The following PITPNC1 variants were observed in gnomAD, a reference collection of about 807,000 sequenced individuals.
PITPNC1 encodes phosphatidylinositol transfer protein cytoplasmic 1.
Under a neutral mutation model 44.7 loss-of-function variants are expected in PITPNC1, and 18 were observed. The ratio of observed to expected loss-of-function variants is 0.40; its 90% CI spans 0.28 to 0.60. The LOEUF (loss-of-function observed/expected upper bound fraction) is 0.60. Among genes scored for constraint, PITPNC1 ranks in the 20% least tolerant of loss-of-function variants. The pLI is 0.39. For synonymous variants in PITPNC1, 141 were observed against 149.6 expected, an observed-to-expected ratio of 0.94 and a Z score of 0.42; for missense variants, 290 against 418.4, an observed-to-expected ratio of 0.69 and a Z score of 2.68.
chr17:67,651,448 G>T (rs746569257), intron 6 of PITPNC1, among the ~76,000 whole-genome samples: 4 of 152,050 alleles, frequency 2.6e-5, no homozygotes, highest in Non-Finnish European at 4.4e-5. Context: ...GGGACGTGGT[G>T]GTTGCAGTGA....
At chr17:67,433,800 G>A (rs146164863) in intron 1 of PITPNC1, among the ~76,000 whole-genome samples, 3,535 of 152,184 alleles carry the variant, frequency 0.023, 79 homozygotes, top group South Asian at 0.11. Flanking sequence ...GGCTGACGCA[G>A]GAGGATCACT....
chr17:67,667,747 A>C (rs1039351413), intron 6 of PITPNC1, among the ~76,000 whole-genome samples: 1 of 151,888 alleles, frequency 6.6e-6, no homozygotes, highest in South Asian at 2.1e-4. Flanking sequence ...TGGGAGGCCA[A>C]GGTGGGTGGA....
At chr17:67,459,348 C>A (rs1598692633) in intron 1 of PITPNC1, among the ~76,000 whole-genome samples, 1 of 152,128 alleles carries the variant, frequency 6.6e-6, no homozygotes, top group Non-Finnish European at 1.5e-5. Context: ...AACTCCTGAC[C>A]TCAGGTGATC....
intron 5 of PITPNC1, among the ~76,000 whole-genome samples, chr17:67,605,423 G>T (rs966452114): frequency 6.6e-6 from 1 of 152,216 alleles, no homozygotes; most frequent in Admixed American, 6.5e-5. Context: ...CCGCTGTCCA[G>T]CCTGGGAACA....
At chr17:67,471,465 A>AT (rs749146199) in intron 1 of PITPNC1, 12 of 356,708 alleles carry the variant, frequency 3.4e-5, no homozygotes, top group African/African-American at 1.2e-4. Flanking sequence ...CATTTGAGAG[A>AT]TTTTTTTCCT....
intron 6 of PITPNC1, among the ~76,000 whole-genome samples, chr17:67,647,463 G>GTTTTTTTTTTTTTTT (rs1567757487): frequency 1.3e-4 from 12 of 90,612 alleles, no homozygotes; most frequent in African/African-American, 5.0e-4. Flanking sequence ...GCTAATTTTG[G>GTTTTTTTTTTTTTTT]GTTTTTTTTT....
At position 67,695,601 on chromosome 17, in the gene PITPNC1, C is replaced by A. The variant is rs1428291278; in HGVS notation, c.*2713C>A. The A allele has an allele frequency of 1.2e-5, 1 of 81,436 alleles. No homozygotes were observed. The highest frequency in any genetic ancestry group is 5.1e-5 in the African/African-American group (1 of 19,720). The allele number at this position is 81,436 out of a possible 1,614,324, so 5.0% of individuals were successfully genotyped here. A position where few individuals can be genotyped will look rare whatever the true frequency, so the allele number is the denominator to read the frequency against. ...CTTTGTTCACCAAAATTGTATTATA[C>A]CTGTGTATATATATATATATATATA... On this transcript the variant is annotated 3_prime_UTR_variant, in exon 9 of 9. Transcript: ENST00000581322.
At chr17:67,411,158 C>T (rs541782242) in intron 1 of PITPNC1, among the ~76,000 whole-genome samples, 1 of 151,644 alleles carries the variant, frequency 6.6e-6, no homozygotes, top group African/African-American at 2.4e-5. Context: ...TTTCTTGGTA[C>T]CCACCTATTA....
At position 67,532,846 on chromosome 17, in the gene PITPNC1, A is replaced by G. The variant is rs1351959352; in HGVS notation, c.93A>G (p.Glu31=). Residue 31 remains glutamate (E), a synonymous_variant, in exon 2 of 9, where the codon GAA becomes GAG. Transcript: ENST00000581322. ...ACATGATCAGCAAACACAGCCATGA[A>G]CAGAGTGACCGGGGAGAAGGGGTGG... The part of the protein sequence containing the change: ...QLYMISKHSH[E]QSDRGEGVEV... 1 of 1,588,304 alleles carries G rather than the reference A, an allele frequency of 6.3e-7. No individual in the cohort carries two copies. Among genetic ancestry groups the G allele is most frequent in the Non-Finnish European group, 8.6e-7 (1 of 1,167,604 alleles).
chr17:67,617,947 A>T lies in PITPNC1; in HGVS notation c.367-14196A>T, dbSNP rs544284853. On this transcript the variant is annotated intron_variant, in intron 5 of 8. Coordinates refer to ENST00000581322, the MANE Select transcript of PITPNC1 (RefSeq NM_012417.4). The stretch of plus-strand genomic sequence containing the variant: ...TCACATTCTGAGGTTCCTGGGAGAC[A>T]TGAGATTCGGGGGGACACTCTTCAA... Among the ~76,000 whole-genome samples, 67 of 152,276 alleles carry T rather than the reference A, an allele frequency of 4.4e-4. 1 individual carries two copies. In the South Asian group the frequency reaches 0.013, roughly 29 times the overall value.
chr17:67,441,983 A>G (rs1807945568), intron 1 of PITPNC1, among the ~76,000 whole-genome samples: 1 of 151,956 alleles, frequency 6.6e-6, no homozygotes. Context: ...TTAGTTGAGT[A>G]GAATAAACTC....
intron 5 of PITPNC1, among the ~76,000 whole-genome samples, chr17:67,587,332 A>AT (rs1362091806): frequency 5.9e-5 from 9 of 152,042 alleles, no homozygotes; most frequent in Admixed American, 2.6e-4. Flanking sequence ...TACAAAAAAA[A>AT]AAAAAAATTT....
intron 2 of PITPNC1, among the ~76,000 whole-genome samples, chr17:67,535,214 G>C (rs1304819325): frequency 1.3e-5 from 2 of 152,210 alleles, no homozygotes; most frequent in African/African-American, 4.8e-5. Context: ...TGATTTGCAG[G>C]GGCAGCTGAG....
At chr17:67,573,275 A>G (rs577658852) in intron 4 of PITPNC1, among the ~76,000 whole-genome samples, 1 of 152,178 alleles carries the variant, frequency 6.6e-6, no homozygotes, top group African/African-American at 2.4e-5. Context: ...AAAGAAAAAA[A>G]TCATGAAAAG....
intron 1 of PITPNC1, among the ~76,000 whole-genome samples, chr17:67,529,013 G>A (rs1234655100): frequency 6.6e-6 from 1 of 152,186 alleles, no homozygotes; most frequent in Non-Finnish European, 1.5e-5. Context: ...CAGAGCCCTT[G>A]ACCATCTCGG....
At chr17:67,392,815 T>C (rs1008217716) in intron 1 of PITPNC1, among the ~76,000 whole-genome samples, 1 of 152,104 alleles carries the variant, frequency 6.6e-6, no homozygotes, top group Admixed American at 6.6e-5. Context: ...ATGTTTATTG[T>C]TTTTTAAAAA....
chr17:67,411,305 A>T (rs2038492901), intron 1 of PITPNC1, among the ~76,000 whole-genome samples: 1 of 152,100 alleles, frequency 6.6e-6, no homozygotes, highest in Admixed American at 6.5e-5. Context: ...AGAACCTTGA[A>T]AGAGTTGGAA....
chr17:67,380,147 T>C (rs2037936307), intron 1 of PITPNC1, among the ~76,000 whole-genome samples: 1 of 151,840 alleles, frequency 6.6e-6, no homozygotes, highest in Non-Finnish European at 1.5e-5. Context: ...AGATCTCGGC[T>C]CACTGCAACC....
chr17:67,530,047 G>C (rs2040440119), intron 1 of PITPNC1, among the ~76,000 whole-genome samples: 1 of 151,692 alleles, frequency 6.6e-6, no homozygotes, highest in African/African-American at 2.4e-5. Flanking sequence ...GGAGGCTGTG[G>C]GGTGAGGGAA....
Sources: allele counts gnomAD v4.1 joint callset (sites outside exome capture counted in the v4.1 genomes callset), GRCh38; gene constraint gnomAD v4.1.1; transcripts MANE v1.5; gene names NCBI Gene and HGNC (gene_info 2026-07-23, HGNC 2026-07-21).